Variants in GABRA3 observed in about 807,000 individuals in gnomAD.
The protein encoded by GABRA3 is gamma-aminobutyric acid receptor subunit alpha-3.
A neutral mutation model predicts 30.1 loss-of-function variants in GABRA3; 10 were observed. That is an observed-to-expected ratio of 0.33 (90% CI 0.20 to 0.56). The LOEUF (loss-of-function observed/expected upper bound fraction) is 0.56, where lower values mean the gene tolerates loss of function less well. Ranked by LOEUF, GABRA3 falls within the 20% of genes least tolerant of loss-of-function variation. The pLI, the probability that GABRA3 is intolerant of heterozygous loss-of-function variation, is 0.89. For synonymous variants in GABRA3, 151 were observed against 146.8 expected, an observed-to-expected ratio of 1.03 and a Z score of -0.21; for missense variants, 233 against 392.0, an observed-to-expected ratio of 0.59 and a Z score of 3.42.
At chrX:152,177,844 A>T (rs955853984) in intron 9 of GABRA3, among the ~76,000 whole-genome samples, 1 of 112,014 alleles carries the variant, frequency 8.9e-6, no homozygotes, top group Non-Finnish European at 1.9e-5. Context: ...AGAATACAAT[A>T]ATGTTGCTAA....
At position 152,413,793 on chromosome X, in the gene GABRA3, A is replaced by T. The variant is rs138435560; in HGVS notation, c.-27+37353T>A. Reference sequence around the variant, plus strand: ...AATATTAGAAATCCTAACCAATACAATAAAGAAAAAAAAGGAAACAAAAAG... The same window carrying T: ...AATATTAGAAATCCTAACCAATACATTAAAGAAAAAAAAGGAAACAAAAAG... On this transcript the variant is annotated intron_variant, in intron 1 of 9. Coordinates refer to ENST00000370314, the MANE Select transcript of GABRA3 (RefSeq NM_000808.4). Among the ~76,000 whole-genome samples the T allele has an allele frequency of 3.3e-3, 364 of 110,495 alleles. 2 individuals carry two copies. The highest frequency in any genetic ancestry group is 0.011 in the African/African-American group (340 of 30,480).
chrX:152,297,322 C>T (rs1939547850), intron 3 of GABRA3, among the ~76,000 whole-genome samples: 1 of 112,021 alleles, frequency 8.9e-6, no homozygotes, highest in African/African-American at 3.2e-5. Flanking sequence ...TTCACTGGCC[C>T]TACAAAAGCA....
chrX:152,255,545 A>G (rs1047302711), intron 5 of GABRA3, among the ~76,000 whole-genome samples: 2 of 112,361 alleles, frequency 1.8e-5, no homozygotes, highest in African/African-American at 6.5e-5. Context: ...TCATGAATGT[A>G]TACCTCTGTG....
At chrX:152,360,727 A>T (rs1308382279) in intron 2 of GABRA3, among the ~76,000 whole-genome samples, 15 of 72,930 alleles carry the variant, frequency 2.1e-4, no homozygotes, top group South Asian at 6.6e-4. Flanking sequence ...AAAAAAAATT[A>T]AAAAAAAAAA....
At chrX:152,393,478 C>A (rs779211468) in intron 1 of GABRA3, 2 of 380,671 alleles carry the variant, frequency 5.3e-6, no homozygotes, top group Non-Finnish European at 1.1e-5. Context: ...GACAAGCATG[C>A]TGCATGCTCA....
intron 3 of GABRA3, among the ~76,000 whole-genome samples, chrX:152,293,872 T>G (rs1367475869): frequency 3.6e-5 from 4 of 111,686 alleles, no homozygotes; most frequent in Admixed American, 9.5e-5. Context: ...ATTTTATTTC[T>G]CCTTCAGTTA....
At chrX:152,329,608 A>G (rs912768608) in intron 3 of GABRA3, among the ~76,000 whole-genome samples, 1 of 112,101 alleles carries the variant, frequency 8.9e-6, no homozygotes, top group Non-Finnish European at 1.9e-5. Flanking sequence ...AGGATTCCCT[A>G]TTTAATAAAT....
chrX:152,246,412 C>T (rs988219975), intron 5 of GABRA3, among the ~76,000 whole-genome samples: 5 of 111,507 alleles, frequency 4.5e-5, no homozygotes. Context: ...TACTTTTTTC[C>T]TCCCCACCTT....
At chrX:152,449,837 T>C (rs888370599) in intron 1 of GABRA3, among the ~76,000 whole-genome samples, 1 of 112,160 alleles carries the variant, frequency 8.9e-6, no homozygotes, top group African/African-American at 3.2e-5. Flanking sequence ...GATAAGTTAC[T>C]TAACCTCTCT....
At chrX:152,290,829 T>C (rs1317653677) in intron 3 of GABRA3, among the ~76,000 whole-genome samples, 1 of 111,792 alleles carries the variant, frequency 8.9e-6, no homozygotes, top group African/African-American at 3.3e-5. Flanking sequence ...GTTGTAGATA[T>C]GTGGTGTTAT....
At chrX:152,435,584 G>A (rs760103031) in intron 1 of GABRA3, among the ~76,000 whole-genome samples, 3 of 107,317 alleles carry the variant, frequency 2.8e-5, no homozygotes, top group Non-Finnish European at 5.8e-5. Context: ...ATCACACACT[G>A]GGGCCTGTCA....
chrX:152,311,707 C>T (rs1188978088), intron 3 of GABRA3, among the ~76,000 whole-genome samples: 6 of 111,047 alleles, frequency 5.4e-5, no homozygotes, highest in Admixed American at 1.9e-4. Context: ...CTAGAGCAAT[C>T]GGGCAAAAGA....
At position 152,182,176 on chromosome X, in the gene GABRA3, T is replaced by G. The variant is rs1443465696; in HGVS notation, c.1143+7554A>C. Among the ~76,000 whole-genome samples the G allele has an allele frequency of 2.7e-5, 3 of 109,239 alleles. No individual in the cohort carries two copies. The East Asian group carries it at 8.7e-4, about 32-fold the overall frequency. The allele number at this position is 109,239 out of a possible 115,157, so 94.9% of individuals were successfully genotyped here. On this transcript the variant is annotated intron_variant, in intron 9 of 9. Coordinates refer to ENST00000370314, the MANE Select transcript of GABRA3 (RefSeq NM_000808.4). ...TGGACTTCATTCTGTTAATGTGGTGTAGCATATTTATATATTTACACATGT... is the reference window on the plus strand; with the variant it reads ...TGGACTTCATTCTGTTAATGTGGTGGAGCATATTTATATATTTACACATGT...
intron 9 of GABRA3, among the ~76,000 whole-genome samples, chrX:152,173,806 A>G (rs1276386218): frequency 9.1e-6 from 1 of 110,266 alleles, no homozygotes; most frequent in Non-Finnish European, 1.9e-5. Flanking sequence ...TATTATTATT[A>G]TACTTTAAGT....
chrX:152,333,711 G>A (rs1271714205), intron 3 of GABRA3, among the ~76,000 whole-genome samples: 4 of 111,578 alleles, frequency 3.6e-5, no homozygotes, highest in African/African-American at 1.3e-4. Context: ...GCAAAAATAT[G>A]TAAGACCTCG....
chrX:152,228,493 G>C lies in GABRA3; in HGVS notation c.552-3648C>G, dbSNP rs746333362. Among the ~76,000 whole-genome samples the C allele has an allele frequency of 5.4e-5, 6 of 111,620 alleles. 1 individual carries two copies. The South Asian group carries it at 2.3e-3, about 42-fold the overall frequency. On this transcript the variant is annotated intron_variant, in intron 5 of 9. Coordinates refer to ENST00000370314, the MANE Select transcript of GABRA3 (RefSeq NM_000808.4). Reference sequence around the variant, plus strand: ...TCCATGTCCCCAGAACTGCTGGCTAGACATAAAGTAATTTCCCCTTGGCAT... The same window carrying C: ...TCCATGTCCCCAGAACTGCTGGCTACACATAAAGTAATTTCCCCTTGGCAT...
intron 1 of GABRA3, among the ~76,000 whole-genome samples, chrX:152,431,570 A>G (rs1003913452): frequency 8.9e-6 from 1 of 112,217 alleles, no homozygotes; most frequent in African/African-American, 3.2e-5. Context: ...CAGAACCTGT[A>G]AGCATGTTAT....
chrX:152,172,180 A>G (rs910909552), intron 9 of GABRA3, among the ~76,000 whole-genome samples: 1 of 112,168 alleles, frequency 8.9e-6, no homozygotes, highest in Non-Finnish European at 1.9e-5. Flanking sequence ...AAAAAGATTT[A>G]CAAATGGCCA....
At position 152,395,751 on chromosome X, in the gene GABRA3, A is replaced by G. The variant is rs754663280; in HGVS notation, c.-26-31155T>C. Among the ~76,000 whole-genome samples the G allele has an allele frequency of 2.7e-5, 3 of 112,051 alleles. No homozygotes were observed. The South Asian group carries it at 1.1e-3, about 41-fold the overall frequency. On this transcript the variant is annotated intron_variant, in intron 1 of 9. Coordinates refer to ENST00000370314, the MANE Select transcript of GABRA3 (RefSeq NM_000808.4). ...TGGATATAGTACAAGAGCAAAAAGC[A>G]ATGTTGAAGTAGGAGCCCGACATGA...
Sources: allele counts gnomAD v4.1 joint callset (sites outside exome capture counted in the v4.1 genomes callset), GRCh38; gene constraint gnomAD v4.1.1; transcripts MANE v1.5; gene names NCBI Gene and HGNC (gene_info 2026-07-23, HGNC 2026-07-21).